The following SPRY3 variants were observed in gnomAD, a reference collection of about 807,000 sequenced individuals.
The protein encoded by SPRY3 is protein sprouty homolog 3.
SPRY3 carries 15 observed loss-of-function variants against 20.2 expected under a neutral mutation model. The ratio of observed to expected loss-of-function variants is 0.74; its 90% CI spans 0.50 to 1.14. The LOEUF is 1.14. Ranked by LOEUF, SPRY3 falls within the 50% of genes most tolerant of loss-of-function variation. The pLI, the probability that SPRY3 is intolerant of heterozygous loss-of-function variation, is 0.00. For missense variants in SPRY3, 364 were observed against 363.9 expected (o/e 1.00, Z 0.00); for synonymous variants, 143 against 136.5 (o/e 1.05, Z -0.33).
chrX:155,662,525 G>T (rs1454139219), intron 2 of SPRY3, among the ~76,000 whole-genome samples: 1 of 109,676 alleles, frequency 9.1e-6, no homozygotes, highest in East Asian at 2.8e-4. Context: ...GCCAGTAGGT[G>T]GTGCTTGCAG....
chrX:155,655,073 A>G (rs73562807), intron 1 of SPRY3, among the ~76,000 whole-genome samples: 150 of 111,563 alleles, frequency 1.3e-3, no homozygotes, highest in African/African-American at 4.8e-3. Context: ...CTGGTATACA[A>G]TGATATCTCA....
At chrX:155,667,285 A>C (rs1557354408) in intron 2 of SPRY3, among the ~76,000 whole-genome samples, 1 of 110,975 alleles carries the variant, frequency 9.0e-6, no homozygotes, top group Non-Finnish European at 1.9e-5. Context: ...GTTTTCTTAA[A>C]AGTGGGAGAA....
intron 2 of SPRY3, among the ~76,000 whole-genome samples, chrX:155,739,847 C>A (rs959142295): frequency 6.6e-6 from 1 of 152,126 alleles, no homozygotes; most frequent in African/African-American, 2.4e-5. Context: ...AAGATAAACC[C>A]ACAAAGATGA....
chrX:155,653,558 T>G (rs1189625783), intron 1 of SPRY3, among the ~76,000 whole-genome samples: 1 of 111,738 alleles, frequency 8.9e-6, no homozygotes, highest in Non-Finnish European at 1.9e-5. Context: ...TACATAGATG[T>G]TTGGGTTTAT....
exon 4 of SPRY3, chrX:155,775,619 A>G (rs984586623): frequency 7.8e-5 from 13 of 167,094 alleles, no homozygotes; most frequent in African/African-American, 2.7e-4. Flanking sequence ...AAGTTATCTT[A>G]TATTTCCAGG....
chrX:155,629,117 A>G (rs782578171), intron 1 of SPRY3, among the ~76,000 whole-genome samples: 2 of 105,754 alleles, frequency 1.9e-5, no homozygotes, highest in South Asian at 8.9e-4. Context: ...TTAACTCGTC[A>G]TTTACATTAG....
At chrX:155,700,101 A>G (rs2068131635) in intron 2 of SPRY3, among the ~76,000 whole-genome samples, 1 of 107,619 alleles carries the variant, frequency 9.3e-6, no homozygotes, top group South Asian at 4.2e-4. Context: ...CAACAAAAAG[A>G]CAACCATTTT....
intron 2 of SPRY3, among the ~76,000 whole-genome samples, chrX:155,721,200 A>C (rs1428829951): frequency 6.6e-6 from 1 of 152,166 alleles, no homozygotes; most frequent in Non-Finnish European, 1.5e-5. Context: ...AGGCAGAAGA[A>C]AGAATTAGTA....
chrX:155,782,387 A>G (rs2091468120), exon 2 of SPRY3: 1 of 166,990 alleles, frequency 6.0e-6, no homozygotes, highest in African/African-American at 2.4e-5. Flanking sequence ...AGAGAGGGCC[A>G]CTTCTACCCC....
chrX:155,697,389 A>G (rs1362433172), intron 2 of SPRY3, among the ~76,000 whole-genome samples: 1 of 109,983 alleles, frequency 9.1e-6, no homozygotes, highest in Non-Finnish European at 1.9e-5. Flanking sequence ...GATTCAGACT[A>G]GAACTACACC....
At chrX:155,640,558 T>C (rs2067937374) in intron 1 of SPRY3, among the ~76,000 whole-genome samples, 1 of 112,067 alleles carries the variant, frequency 8.9e-6, no homozygotes, top group Admixed American at 9.4e-5. Flanking sequence ...TTCCAATCTG[T>C]GAATATGGAA....
In SPRY3 at chrX:155,773,857, A is replaced by C. The variant is rs759421480; in HGVS notation, c.-15A>C. 104 of 1,609,084 alleles carry C rather than the reference A, an allele frequency of 6.5e-5. No individual in the cohort carries two copies. In the Middle Eastern group the frequency reaches 2.7e-3, roughly 41 times the overall value. ...CCTGACTTAAAACCACTCAGAGCTA[A>C]AAAATCAAGGCAAAATGGATGCTGC... is the stretch of plus-strand genomic sequence containing the variant. On this transcript the variant is annotated 5_prime_UTR_variant, in exon 4 of 4. Transcript: ENST00000675360.
At position 155,685,389 on chromosome X, in the gene SPRY3, G is replaced by T. The variant is rs1207542172; in HGVS notation, c.-282+28364G>T. Among the ~76,000 whole-genome samples, 10 of 106,346 alleles carry T rather than the reference G, an allele frequency of 9.4e-5. No homozygotes were observed. The East Asian group carries it at 2.9e-3, about 31-fold the overall frequency. The allele number at this position is 106,346 out of a possible 115,157, so 92.3% of individuals were successfully genotyped here. On this transcript the variant is annotated intron_variant, in intron 2 of 3. Transcript: ENST00000675360. ...TAAGTCCATGTAGTAATATTTGTTT[G>T]TCTGTAGGGATTTCTTTTTTTTTTT...
chrX:155,734,193 T>C (rs1459734487), intron 2 of SPRY3, among the ~76,000 whole-genome samples: 5 of 152,108 alleles, frequency 3.3e-5, no homozygotes, highest in African/African-American at 7.2e-5. Context: ...AGCTTTATCA[T>C]TTCTAGCTTT....
At chrX:155,779,169 A>T (rs1338082414), downstream of SPRY3, 1 of 167,026 alleles carries the variant, frequency 6.0e-6, no homozygotes, top group Non-Finnish European at 1.5e-5. Flanking sequence ...TTACCCTTCT[A>T]CATTTTTGGG....
intron 2 of SPRY3, among the ~76,000 whole-genome samples, chrX:155,718,277 T>C (rs1440165763): frequency 6.6e-6 from 1 of 152,132 alleles, no homozygotes; most frequent in African/African-American, 2.4e-5. Context: ...GGAGTATAAA[T>C]GTGTAAGAAT....
chrX:155,660,639 C>A (rs2068006780), intron 2 of SPRY3, among the ~76,000 whole-genome samples: 1 of 111,253 alleles, frequency 9.0e-6, no homozygotes, highest in African/African-American at 3.3e-5. Flanking sequence ...CTGTCTATTG[C>A]ATTGCTGTCT....
chrX:155,764,543 T>G (rs948482756), intron 2 of SPRY3, among the ~76,000 whole-genome samples: 2 of 152,178 alleles, frequency 1.3e-5, no homozygotes, highest in African/African-American at 4.8e-5. Flanking sequence ...ATCCATTCAT[T>G]CAATAAGTAT....
chrX:155,778,103 C>T (rs2091440546), downstream of SPRY3: 1 of 166,954 alleles, frequency 6.0e-6, no homozygotes, highest in Non-Finnish European at 1.5e-5. Flanking sequence ...AGTTAAGTGA[C>T]TTGCCAAAAG....
Sources: gnomAD v4.1 joint callset for allele counts (sites outside exome capture counted in the v4.1 genomes callset) on GRCh38, gnomAD v4.1.1 for gene constraint, MANE v1.5 for transcripts, NCBI Gene and HGNC (gene_info 2026-07-23, HGNC 2026-07-21) for gene names.